Variants in SLC19A1 observed in about 807,000 individuals in gnomAD.
SLC19A1 encodes the protein solute carrier family 19 member 1, also known as reduced folate transporter.
Under a neutral mutation model 35.3 loss-of-function variants are expected in SLC19A1, and 37 were observed. The observed-to-expected ratio is 1.05, with a 90% CI of 0.81 to 1.38. The LOEUF (loss-of-function observed/expected upper bound fraction) is 1.38, where lower values mean the gene tolerates loss of function less well. SLC19A1 is among the 40% of genes most tolerant of loss of function. SLC19A1 has a pLI of 0.00. For synonymous variants in SLC19A1, 460 were observed against 398.5 expected (o/e 1.15, Z -1.84); for missense variants, 831 against 826.9 (o/e 1.00, Z -0.06).
chr21:45,553,434 T>C (rs557716685), intron 1 of SLC19A1, among the ~76,000 whole-genome samples: 41 of 152,064 alleles, frequency 2.7e-4, no homozygotes, highest in African/African-American at 8.9e-4. Context: ...CCCTAGGCCT[T>C]GCTGTTATTA....
chr21:45,530,770 G>T lies in SLC19A1; in HGVS notation c.1151C>A (p.Thr384Asn). ...GSYQFLVPIA[T>N]FQIASSLSKE... is the part of the protein sequence containing the mutation. ...GGCTTCCCACCCTTCTGGAACTCAC[G>T]TGGCGATGGGCACGAGGAACTGGTA... is the stretch of plus-strand genomic sequence containing the variant. The change falls in exon 4 of 6, where the codon ACC (threonine) becomes AAC (asparagine). Residue 384 changes from threonine (T) to asparagine (N), a missense_variant and splice_region_variant. Coordinates refer to ENST00000311124, the MANE Select transcript of SLC19A1 (RefSeq NM_194255.4). The surrounding 1 kb of genome is among the most constrained non-coding windows in gnomAD (Gnocchi z 5.3). The T allele has an allele frequency of 6.4e-7, 1 of 1,556,476 alleles. No homozygotes were observed. Among genetic ancestry groups the T allele is most frequent in the Admixed American group, 1.9e-5 (1 of 51,406 alleles).
At chr21:45,527,173 G>C (rs965933) in intron 4 of SLC19A1, among the ~76,000 whole-genome samples, 1 of 147,468 alleles carries the variant, frequency 6.8e-6, no homozygotes, top group Non-Finnish European at 1.5e-5. Flanking sequence ...TGGGCAGAGC[G>C]GGCCCTGGAG....
At chr21:45,551,630 C>G (rs1431999903) in intron 1 of SLC19A1, among the ~76,000 whole-genome samples, 1 of 152,168 alleles carries the variant, frequency 6.6e-6, no homozygotes, top group Non-Finnish European at 1.5e-5. Context: ...AAGTTCAGAT[C>G]AAAGAACGTG....
At chr21:45,504,507 C>A (rs531174886) in intron 3 of SLC19A1, 2 of 1,047,376 alleles carry the variant, frequency 1.9e-6, no homozygotes, top group East Asian at 5.5e-5. Flanking sequence ...CTGCCCGGCC[C>A]CCCCGGCCCC....
rs1326753819 is a variant in SLC19A1 at position 45,517,570 on chromosome 21, C to A, written c.1294-1430G>T. ...GTGGAGACCATGTGGGGAGCCTAGT[C>A]ACCCCCGAAGCCTCACGGAGTCAGC... On this transcript the variant is annotated intron_variant, in intron 5 of 5. Coordinates refer to ENST00000311124, the MANE Select transcript of SLC19A1 (RefSeq NM_194255.4). This position sits in a 1 kb window ranked among gnomAD's most constrained non-coding sequence, Gnocchi z 4.4. 6.6e-6 allele frequency among the ~76,000 whole-genome samples: 1 copy of A among 152,060 alleles called. No individual in the cohort carries two copies. Among genetic ancestry groups the A allele is most frequent in the East Asian group, 1.9e-4 (1 of 5,188 alleles).
At position 45,515,809 on chromosome 21, in the gene SLC19A1, G is replaced by A. The variant is rs765883361; in HGVS notation, c.1625C>T (p.Thr542Ile). The change falls in exon 6 of 6, where the codon ACC becomes ATC. Residue 542 changes from threonine (T) to isoleucine (I), a missense_variant. Transcript: ENST00000311124. ...QAAEFLSPVTTPSPCTLCSAQ... is the reference protein window; with the variant it reads ...QAAEFLSPVTIPSPCTLCSAQ... The stretch of plus-strand genomic sequence containing the variant: ...GGAGCACAGAGTGCAGGGGGAAGGG[G>A]TTGTCACTGGGCTCAGGAATTCAGC... 6.2e-7 allele frequency: 1 copy of A among 1,611,340 alleles called. No homozygotes were observed. Among genetic ancestry groups the A allele is most frequent in the East Asian group, 2.2e-5 (1 of 44,794 alleles).
At chr21:45,518,372 C>G (rs1022935279) in intron 5 of SLC19A1, among the ~76,000 whole-genome samples, 2 of 152,034 alleles carry the variant, frequency 1.3e-5, no homozygotes, top group Admixed American at 1.3e-4. Flanking sequence ...TGGGACTATA[C>G]AACATGATCT....
At position 45,514,920 on chromosome 21, in the gene SLC19A1, C is replaced by T. The variant is rs954185710; in HGVS notation, c.*738G>A. 1.3e-5 allele frequency: 18 copies of T among 1,344,358 alleles called. No homozygotes were observed. The highest frequency in any genetic ancestry group is 1.1e-4 in the African/African-American group (7 of 65,418). 83.3% of individuals were successfully genotyped at this position (1,344,358 alleles called of 1,614,324 possible). ...CCAAGGCCAGCACGTCCGCGGTGAC[C>T]GGGACCAGTCCCCTCCGGGCTGGCA... On this transcript the variant is annotated 3_prime_UTR_variant, in exon 6 of 6. Transcript: ENST00000311124.
At chr21:45,527,257 C>CGGGGCAGGCCCTGGAGGT (rs1480841991) in intron 4 of SLC19A1, among the ~76,000 whole-genome samples, 3 of 129,426 alleles carry the variant, frequency 2.3e-5, no homozygotes, top group East Asian at 2.5e-4. Context: ...GGCCTGGAGG[C>CGGGGCAGGCCCTGGAGGT]GGGGCAGGCC....
downstream of SLC19A1, chr21:45,509,972 C>G: frequency 7.0e-7 from 1 of 1,425,046 alleles, no homozygotes; most frequent in Non-Finnish European, 9.5e-7. Context: ...CCGTGCCTGT[C>G]CACACAGGTG....
chr21:45,510,169 A>C, downstream of SLC19A1: 1 of 1,595,414 alleles, frequency 6.3e-7, no homozygotes. Flanking sequence ...GCTGGCGGGC[A>C]CCTTCCGCGC....
downstream of SLC19A1, among the ~76,000 whole-genome samples, chr21:45,511,647 G>T (rs80344556): frequency 1.3e-5 from 2 of 152,042 alleles, no homozygotes; most frequent in Non-Finnish European, 2.9e-5. Context: ...AGAACGCTTC[G>T]TCCCAAATGT....
downstream of SLC19A1, chr21:45,509,564 G>A: frequency 2.0e-6 from 3 of 1,529,968 alleles, no homozygotes; most frequent in Non-Finnish European, 2.6e-6. Flanking sequence ...CGACCCACAA[G>A]CCCACCCGCC....
upstream of SLC19A1, among the ~76,000 whole-genome samples, chr21:45,547,132 G>A (rs1303656572): frequency 2.6e-5 from 4 of 152,234 alleles, no homozygotes; most frequent in East Asian, 1.9e-4. Context: ...TATTTACAAC[G>A]CCAATGAAAA....
downstream of SLC19A1, chr21:45,512,290 G>A (rs1328543313): frequency 1.2e-6 from 2 of 1,612,200 alleles, no homozygotes; most frequent in South Asian, 1.1e-5. Context: ...CCACGGGCCA[G>A]GCCTCCTCGC....
At chr21:45,550,546 A>G (rs1378878039) in intron 1 of SLC19A1, among the ~76,000 whole-genome samples, 4 of 152,240 alleles carry the variant, frequency 2.6e-5, no homozygotes, top group Non-Finnish European at 5.9e-5. Context: ...AGATTTGGGC[A>G]GGATGGAGCT....
chr21:45,510,394 G>A (rs375467915), downstream of SLC19A1: 45 of 1,052,574 alleles, frequency 4.3e-5, no homozygotes, highest in South Asian at 4.1e-4. Flanking sequence ...CTAGGCTGGC[G>A]ACTTCAGGGC....
In SLC19A1 at chr21:45,515,855, G is replaced by A; in HGVS notation, c.1579C>T (p.Gln527Ter). 1.3e-6 allele frequency: 2 copies of A among 1,596,126 alleles called. No individual in the cohort carries two copies. Among genetic ancestry groups the A allele is most frequent in the Non-Finnish European group, 1.7e-6 (2 of 1,170,212 alleles). The change falls in exon 6 of 6, where the codon CAG (glutamine) becomes TAG (stop). Residue 527 changes from glutamine to a stop codon, truncating the protein, a stop_gained. Transcript: ENST00000311124. LOFTEE classifies it low-confidence loss of function (END_TRUNC). The part of the protein sequence containing the change: ...EQRQSDPYLA[Q>*]APAPQAAEFL... Reference sequence around the variant, plus strand: ...TCAGCTGCCTGCGGGGCCGGGGCCTGGGCCAGGTATGGGTCGCTCTGTCTC... The same window carrying A: ...TCAGCTGCCTGCGGGGCCGGGGCCTAGGCCAGGTATGGGTCGCTCTGTCTC...
At chr21:45,547,306 C>T (rs1162882631), upstream of SLC19A1, among the ~76,000 whole-genome samples, 3 of 152,152 alleles carry the variant, frequency 2.0e-5, no homozygotes, top group Non-Finnish European at 2.9e-5. Context: ...AGCCCCCAAC[C>T]GTCTGAACAG....
Sources: gnomAD v4.1 joint callset for allele counts (sites outside exome capture counted in the v4.1 genomes callset) on GRCh38, gnomAD v4.1.1 for gene constraint, Gnocchi (gnomAD v3.1) non-coding constraint, MANE v1.5 for transcripts, NCBI Gene and HGNC (gene_info 2026-07-23, HGNC 2026-07-21) for gene names.